The following KLRG1 variants were observed in gnomAD, a reference collection of about 807,000 sequenced individuals.
KLRG1 encodes killer cell lectin-like receptor subfamily G member 1.
Under a neutral mutation model 21.8 loss-of-function variants are expected in KLRG1, and 16 were observed. The observed-to-expected ratio is 0.73, with a 90% CI of 0.50 to 1.11. The LOEUF is 1.11. KLRG1 is among the 50% of genes most tolerant of loss of function. The pLI is 0.00. For synonymous variants in KLRG1, 69 were observed against 75.9 expected (o/e 0.91, Z 0.47); for missense variants, 173 against 218.3 (o/e 0.79, Z 1.31).
the KLRG1 span, among the ~76,000 whole-genome samples, chr12:9,114,159 T>A: frequency 6.6e-6 from 1 of 152,220 alleles, no homozygotes; most frequent in South Asian, 2.1e-4. Context: ...AATATTTGCC[T>A]TTCAGCTCAT....
At chr12:9,133,559 C>G in the KLRG1 span, among the ~76,000 whole-genome samples, 1 of 152,110 alleles carries the variant, frequency 6.6e-6, no homozygotes, top group Non-Finnish European at 1.5e-5. Context: ...CCCTGAACAT[C>G]CAGGGAGATC....
the KLRG1 span, among the ~76,000 whole-genome samples, chr12:9,166,461 T>A: frequency 6.6e-6 from 1 of 152,178 alleles, no homozygotes; most frequent in Non-Finnish European, 1.5e-5. Context: ...ACGAGATCAC[T>A]TGGAGACAGT....
the KLRG1 span, among the ~76,000 whole-genome samples, chr12:9,190,981 A>G: frequency 1.3e-5 from 2 of 152,150 alleles, no homozygotes; most frequent in African/African-American, 4.8e-5. Flanking sequence ...ATTAATAACT[A>G]TTAAAATATG....
chr12:8,966,658 T>G (rs1946478086), intron 1 of KLRG1, among the ~76,000 whole-genome samples: 1 of 151,250 alleles, frequency 6.6e-6, no homozygotes, highest in Non-Finnish European at 1.5e-5. Flanking sequence ...CCAGTTAGAA[T>G]GGCAATCATT....
the KLRG1 span, among the ~76,000 whole-genome samples, chr12:9,125,472 A>G: frequency 1.3e-5 from 2 of 152,168 alleles, no homozygotes; most frequent in African/African-American, 4.8e-5. Context: ...AGAAAATACA[A>G]TCAACTTAAG....
chr12:9,060,253 A>C, the KLRG1 span, among the ~76,000 whole-genome samples: 1 of 151,020 alleles, frequency 6.6e-6, no homozygotes, highest in African/African-American at 2.4e-5. Flanking sequence ...CGATCTCCTG[A>C]CCTCATGATC....
In KLRG1 at chr12:8,965,046, A is replaced by G. The variant is rs781398905; in HGVS notation, c.-156+14810A>G. Among the ~76,000 whole-genome samples, 7 of 152,356 alleles carry G rather than the reference A, an allele frequency of 4.6e-5. No homozygotes were observed. The South Asian group carries it at 1.4e-3, about 32-fold the overall frequency. ...GCTGGTTCAACATACGCAAATCAAT[A>G]AATGTAATCCAATATATAAACAGAA... On this transcript the variant is annotated intron_variant, in intron 1 of 4. Transcript: ENST00000539240.
chr12:9,203,835 C>T, the KLRG1 span: 2 of 1,614,016 alleles, frequency 1.2e-6, no homozygotes, highest in African/African-American at 2.7e-5. Flanking sequence ...CCTGTTTTCC[C>T]TGCCAGACTC....
the KLRG1 span, among the ~76,000 whole-genome samples, chr12:9,190,849 C>A: frequency 5.9e-5 from 9 of 152,010 alleles, no homozygotes; most frequent in African/African-American, 2.2e-4. Context: ...TGAGGAAGCT[C>A]AACTTGGACA....
At chr12:9,207,608 G>A in the KLRG1 span, among the ~76,000 whole-genome samples, 3 of 152,216 alleles carry the variant, frequency 2.0e-5, no homozygotes. Flanking sequence ...AACAGTGCAT[G>A]CCAGCAAGTA....
At chr12:9,161,194 G>T in the KLRG1 span, 1 of 1,219,086 alleles carries the variant, frequency 8.2e-7, no homozygotes, top group Non-Finnish European at 1.2e-6. Context: ...TGTAGTGAGA[G>T]CTTCAGAGCC....
chr12:9,116,918 C>T, the KLRG1 span, among the ~76,000 whole-genome samples: 1 of 151,968 alleles, frequency 6.6e-6, no homozygotes, highest in African/African-American at 2.4e-5. Flanking sequence ...TATAAAACTA[C>T]TGTATAAAAT....
the KLRG1 span, chr12:9,112,136 T>C: frequency 2.5e-6 from 4 of 1,612,382 alleles, no homozygotes; most frequent in Non-Finnish European, 3.4e-6. Context: ...ACAATCATTT[T>C]ATGTAGATAA....
the KLRG1 span, among the ~76,000 whole-genome samples, chr12:9,082,733 C>G: frequency 3.3e-5 from 5 of 152,062 alleles, no homozygotes; most frequent in Admixed American, 6.5e-5. Flanking sequence ...AAATCACTGA[C>G]AAAGAATTCA....
At chr12:9,073,150 A>C in the KLRG1 span, among the ~76,000 whole-genome samples, 2 of 152,208 alleles carry the variant, frequency 1.3e-5, no homozygotes, top group Admixed American at 1.3e-4. Flanking sequence ...GGAATGTGGA[A>C]AACATGTGAA....
the KLRG1 span, among the ~76,000 whole-genome samples, chr12:9,062,853 A>G: frequency 2.6e-5 from 4 of 151,286 alleles, no homozygotes; most frequent in Admixed American, 2.0e-4. Context: ...GATATATTAT[A>G]CATTTAAACA....
In KLRG1 at chr12:8,995,241, C is replaced by T; in HGVS notation, c.310C>T (p.Leu104=). ...KDWNSSLEFC[L]ARDSHLLVIT... is the part of the protein sequence containing the mutation. The stretch of plus-strand genomic sequence containing the variant: ...CTGGAATTCTAGTCTGGAATTCTGC[C>T]TAGCCAGAGACTCACACCTCCTTGT... Residue 104 remains leucine, a synonymous_variant, in exon 3 of 5, where the codon CTA becomes TTA. Transcript: ENST00000356986. 6.2e-7 allele frequency: 1 copy of T among 1,613,732 alleles called. No homozygotes were observed. Among genetic ancestry groups the T allele is most frequent in the Non-Finnish European group, 8.5e-7 (1 of 1,179,810 alleles).
chr12:8,968,783 A>G (rs907510291), intron 1 of KLRG1, among the ~76,000 whole-genome samples: 13 of 152,248 alleles, frequency 8.5e-5, no homozygotes, highest in African/African-American at 2.9e-4. Flanking sequence ...GAATTAAACT[A>G]GACATCATTA....
chr12:9,081,733 C>T, the KLRG1 span, among the ~76,000 whole-genome samples: 1 of 152,146 alleles, frequency 6.6e-6, no homozygotes, highest in Non-Finnish European at 1.5e-5. Flanking sequence ...CAGGGGTAGA[C>T]ATCAAGATTC....
Sources: allele counts gnomAD v4.1 joint callset (sites outside exome capture counted in the v4.1 genomes callset), GRCh38; gene constraint gnomAD v4.1.1; transcripts MANE v1.5; gene names NCBI Gene and HGNC (gene_info 2026-07-23, HGNC 2026-07-21).